RAB30: variants seen among roughly 807,000 people sequenced by gnomAD.
RAB30 encodes the protein ras-related protein Rab-30.
Under a neutral mutation model 25.1 loss-of-function variants are expected in RAB30, and 9 were observed. The observed-to-expected ratio is 0.36, with a 90% confidence interval of 0.22 to 0.63. The LOEUF (loss-of-function observed/expected upper bound fraction) is 0.63, where lower values mean the gene tolerates loss of function less well. Ranked by LOEUF, RAB30 falls within the 20% of genes least tolerant of loss-of-function variation. The pLI, the probability that RAB30 is intolerant of heterozygous loss-of-function variation, is 0.69. For synonymous variants in RAB30, 77 were observed against 86.4 expected (o/e 0.89, Z 0.60); for missense variants, 140 against 243.5 (o/e 0.58, Z 2.83).
intron 1 of RAB30, among the ~76,000 whole-genome samples, chr11:83,008,687 T>C (rs1857239466): frequency 6.6e-6 from 1 of 152,022 alleles, no homozygotes; most frequent in Admixed American, 6.6e-5. Context: ...CGCACACACA[T>C]GCACACACAC....
Position 82,974,658 on chromosome 11 carries a change from A to C in RAB30, c.*7507T>G, listed in dbSNP as rs1283837728. The C allele has an allele frequency of 6.6e-6, 1 of 152,172 alleles. No homozygotes were observed. Among genetic ancestry groups the C allele is most frequent in the Non-Finnish European group, 1.5e-5 (1 of 68,010 alleles). The allele number at this position is 152,172 out of a possible 1,614,324, so 9.4% of individuals were successfully genotyped here. ...GTGATTAACCTGTTTATTAGTTAAAACTATGTATGTATTAATATTAAAGAT... is the reference window on the plus strand; with the variant it reads ...GTGATTAACCTGTTTATTAGTTAAACCTATGTATGTATTAATATTAAAGAT... On this transcript the variant is annotated 3_prime_UTR_variant, in exon 5 of 5. Transcript: ENST00000527633.
At chr11:83,029,053 T>C (rs1322246643) in intron 1 of RAB30, among the ~76,000 whole-genome samples, 6 of 151,958 alleles carry the variant, frequency 3.9e-5, no homozygotes, top group Non-Finnish European at 8.8e-5. Context: ...TCCTGGAGGA[T>C]GTCCTTCACT....
intron 2 of RAB30, among the ~76,000 whole-genome samples, chr11:82,994,968 G>A (rs1856929686): frequency 6.6e-6 from 1 of 152,082 alleles, no homozygotes; most frequent in Admixed American, 6.6e-5. Context: ...TAAACAAAAT[G>A]CTTTACTTCA....
At chr11:82,993,354 A>C (rs1327017728) in intron 3 of RAB30, among the ~76,000 whole-genome samples, 1 of 152,254 alleles carries the variant, frequency 6.6e-6, no homozygotes, top group East Asian at 1.9e-4. Flanking sequence ...CTCTGAAGCC[A>C]GTAAAACGAG....
intron 1 of RAB30, among the ~76,000 whole-genome samples, chr11:83,045,843 G>T (rs1314750263): frequency 6.6e-6 from 1 of 152,118 alleles, no homozygotes; most frequent in African/African-American, 2.4e-5. Flanking sequence ...TCCACCCTGA[G>T]ATTCTAATAA....
intron 1 of RAB30, among the ~76,000 whole-genome samples, chr11:83,020,491 G>A (rs767666807): frequency 1.6e-4 from 24 of 152,226 alleles, no homozygotes; most frequent in African/African-American, 2.2e-4. Flanking sequence ...CCATTGGCAC[G>A]AGCAGCCTGT....
intron 1 of RAB30, among the ~76,000 whole-genome samples, chr11:83,025,808 T>A (rs1857697295): frequency 6.6e-6 from 1 of 152,150 alleles, no homozygotes; most frequent in South Asian, 2.1e-4. Flanking sequence ...AAACTCCTCT[T>A]TGTTCTTAAA....
chr11:83,059,161 C>G (rs1477182593), intron 1 of RAB30, among the ~76,000 whole-genome samples: 1 of 152,200 alleles, frequency 6.6e-6, no homozygotes, highest in Non-Finnish European at 1.5e-5. Context: ...AAACTGGTCT[C>G]AAACTCCTGG....
rs564766810 is a variant in RAB30, at chr11:83,010,328, A to G, written c.-8-13004T>C. 5.3e-5 allele frequency among the ~76,000 whole-genome samples: 8 copies of G among 152,234 alleles called. 1 individual carries two copies. The highest frequency in any genetic ancestry group is 1.9e-4 in the African/African-American group (8 of 41,550). ...TAGCCAGGTGTGGTGTCATATGTCT[A>G]TGCTCCTAGCTACTCAGGAGGCTGA... On this transcript the variant is annotated intron_variant, in intron 1 of 4. Transcript: ENST00000527633.
intron 1 of RAB30, among the ~76,000 whole-genome samples, chr11:83,014,692 A>AAGAAAGAAAGAG (rs1565277255): frequency 1.3e-4 from 18 of 138,548 alleles, no homozygotes; most frequent in South Asian, 2.3e-4. Context: ...GAAAGAAAGA[A>AAGAAAGAAAGAG]AGAGAAAGGA....
chr11:83,033,055 C>CCTTTT (rs1565284142), intron 1 of RAB30, among the ~76,000 whole-genome samples: 2 of 77,864 alleles, frequency 2.6e-5, no homozygotes, highest in Non-Finnish European at 5.1e-5. Flanking sequence ...GCCTCAAATT[C>CCTTTT]TTTTTTTTTT....
chr11:83,009,041 G>C (rs989518244), intron 1 of RAB30, among the ~76,000 whole-genome samples: 1 of 151,228 alleles, frequency 6.6e-6, no homozygotes, highest in Non-Finnish European at 1.5e-5. Flanking sequence ...AATTCAACAA[G>C]TATTTATTAA....
chr11:82,977,372 T>C lies in RAB30; in HGVS notation c.*4793A>G, dbSNP rs1430575782. Reference sequence around the variant, plus strand: ...GCCCCATTAAAAAAATCATTAGCTATGAATTAACAGATATTTAATTGAACA... The same window carrying C: ...GCCCCATTAAAAAAATCATTAGCTACGAATTAACAGATATTTAATTGAACA... On this transcript the variant is annotated 3_prime_UTR_variant, in exon 5 of 5. Coordinates refer to ENST00000527633, the MANE Select transcript of RAB30 (RefSeq NM_001286060.2). 1.3e-5 allele frequency: 2 copies of C among 152,160 alleles called. No individual in the cohort carries two copies. The highest frequency in any genetic ancestry group is 1.3e-4 in the Admixed American group (2 of 15,262). The allele number at this position is 152,160 out of a possible 1,614,324, so 9.4% of individuals were successfully genotyped here.
At chr11:82,992,462 A>G in intron 3 of RAB30, 2 of 444,472 alleles carry the variant, frequency 4.5e-6, no homozygotes, top group Non-Finnish European at 9.1e-6. Context: ...CCTCCTAAAC[A>G]CTTCTCTGTG....
At chr11:83,035,390 G>C (rs577422374) in intron 1 of RAB30, 5 of 152,262 alleles carry the variant, frequency 3.3e-5, no homozygotes, top group African/African-American at 1.2e-4. Flanking sequence ...TGGGGAAGGT[G>C]ATAGCTATGT....
rs1422135801 is a variant in RAB30 at position 82,973,458 on chromosome 11, C to T, written c.*8707G>A. On this transcript the variant is annotated 3_prime_UTR_variant, in exon 5 of 5. Coordinates refer to ENST00000527633, the MANE Select transcript of RAB30 (RefSeq NM_001286060.2). Reference sequence around the variant, plus strand: ...TGAATCCTAAAAGATTGAATGAGTACTCTTATCCAGCATGATTTGTAGTTG... The same window carrying T: ...TGAATCCTAAAAGATTGAATGAGTATTCTTATCCAGCATGATTTGTAGTTG... 1 of 152,156 alleles carries T rather than the reference C, an allele frequency of 6.6e-6. No homozygotes were observed. The highest frequency in any genetic ancestry group is 1.5e-5 in the Non-Finnish European group (1 of 68,022). 9.4% of individuals were successfully genotyped at this position (152,156 alleles called of 1,614,324 possible).
At chr11:83,031,253 T>C (rs561980991) in intron 1 of RAB30, among the ~76,000 whole-genome samples, 1 of 152,362 alleles carries the variant, frequency 6.6e-6, no homozygotes, top group Non-Finnish European at 1.5e-5. Context: ...ACTATCCGAA[T>C]AAAAACAAGG....
intron 1 of RAB30, among the ~76,000 whole-genome samples, chr11:83,051,695 A>C (rs1418025912): frequency 6.6e-6 from 1 of 151,988 alleles, no homozygotes; most frequent in Admixed American, 6.6e-5. Flanking sequence ...AAAAAAAAAA[A>C]ACAAAAACCC....
intron 1 of RAB30, among the ~76,000 whole-genome samples, chr11:83,013,107 A>G (rs1419083784): frequency 3.3e-5 from 5 of 152,060 alleles, no homozygotes; most frequent in Non-Finnish European, 7.4e-5. Context: ...ATTTTGAGAC[A>G]GAGTCTCACT....
Sources: gnomAD v4.1 joint callset for allele counts (sites outside exome capture counted in the v4.1 genomes callset) on GRCh38, gnomAD v4.1.1 for gene constraint, MANE v1.5 for transcripts, NCBI Gene and HGNC (gene_info 2026-07-23, HGNC 2026-07-21) for gene names.